NHSL1: variants seen among roughly 807,000 people sequenced by gnomAD.
The protein encoded by NHSL1 is NHS-like protein 1.
A neutral mutation model predicts 95.0 loss-of-function variants in NHSL1; 48 were observed. The ratio of observed to expected loss-of-function variants is 0.51; its 90% CI spans 0.40 to 0.64. NHSL1 has a LOEUF of 0.64. NHSL1 is among the 30% of genes least tolerant of loss of function. The pLI is 0.00. For missense variants in NHSL1, 1,971 were observed against 2,077.7 expected (o/e 0.95, Z 1.00); for synonymous variants, 783 against 833.9 (o/e 0.94, Z 1.05).
intron 1 of NHSL1, among the ~76,000 whole-genome samples, chr6:138,615,048 C>T (rs1784560952): frequency 6.8e-6 from 1 of 147,250 alleles, no homozygotes; most frequent in Non-Finnish European, 1.5e-5. Flanking sequence ...AATTTGAGTT[C>T]AGACAAACAC....
chr6:138,499,548 G>A (rs548329090), upstream of NHSL1: 4 of 607,778 alleles, frequency 6.6e-6, no homozygotes, highest in Non-Finnish European at 7.0e-6. Flanking sequence ...CAGTGACATC[G>A]TGCGCTGAAA....
At chr6:138,462,723 T>C (rs942704032) in intron 3 of NHSL1, among the ~76,000 whole-genome samples, 2 of 152,228 alleles carry the variant, frequency 1.3e-5, no homozygotes, top group African/African-American at 4.8e-5. Flanking sequence ...CTTGAGGTCA[T>C]ACATTTACAG....
intron 3 of NHSL1, among the ~76,000 whole-genome samples, chr6:138,447,603 T>C (rs1420636252): frequency 6.6e-6 from 1 of 152,076 alleles, no homozygotes; most frequent in Non-Finnish European, 1.5e-5. Context: ...TGAAACCCCA[T>C]CTCTACTAAA....
intron 1 of NHSL1, among the ~76,000 whole-genome samples, chr6:138,657,081 C>T (rs1300745802): frequency 6.6e-6 from 1 of 152,050 alleles, no homozygotes; most frequent in Admixed American, 6.6e-5. Flanking sequence ...CCATAGATAA[C>T]GTATCATTAG....
intron 1 of NHSL1, among the ~76,000 whole-genome samples, chr6:138,562,180 A>G (rs753867717): frequency 3.9e-5 from 6 of 152,234 alleles, no homozygotes; most frequent in Non-Finnish European, 8.8e-5. Context: ...ACATTTATTA[A>G]AACAGTGATT....
chr6:138,621,741 C>T (rs763341253), intron 1 of NHSL1, among the ~76,000 whole-genome samples: 14 of 151,596 alleles, frequency 9.2e-5, no homozygotes, highest in Non-Finnish European at 2.1e-4. Context: ...ATTAGCTATC[C>T]AAAAAAAATA....
chr6:138,639,709 A>C (rs1258719018), intron 1 of NHSL1, among the ~76,000 whole-genome samples: 4 of 146,730 alleles, frequency 2.7e-5, no homozygotes, highest in Non-Finnish European at 5.9e-5. Context: ...GAGAGGCTGA[A>C]GCTGAAGAAT....
At chr6:138,591,731 T>G (rs948711977) in intron 1 of NHSL1, among the ~76,000 whole-genome samples, 1 of 152,174 alleles carries the variant, frequency 6.6e-6, no homozygotes, top group Non-Finnish European at 1.5e-5. Context: ...CCTGCCCAGC[T>G]AATTCATAAG....
At chr6:138,612,978 T>C (rs1031389427) in intron 1 of NHSL1, among the ~76,000 whole-genome samples, 3 of 152,188 alleles carry the variant, frequency 2.0e-5, no homozygotes, top group African/African-American at 7.2e-5. Context: ...CCATCGTTTA[T>C]TGAATTTGCA....
chr6:138,512,502 T>G, intron 1 of NHSL1: 1 of 182,276 alleles, frequency 5.5e-6, no homozygotes, highest in South Asian at 9.5e-5. Flanking sequence ...TTCTGAACTT[T>G]CTAGCTTTAC....
intron 1 of NHSL1, among the ~76,000 whole-genome samples, chr6:138,604,473 G>A (rs1354894292): frequency 6.6e-6 from 1 of 152,178 alleles, no homozygotes; most frequent in Non-Finnish European, 1.5e-5. Context: ...AAGAAGCAAG[G>A]AGGGAAGGCT....
At chr6:138,557,133 A>G (rs1783223209) in intron 1 of NHSL1, among the ~76,000 whole-genome samples, 1 of 152,256 alleles carries the variant, frequency 6.6e-6, no homozygotes, top group South Asian at 2.1e-4. Context: ...GGCCAAATAC[A>G]GTCACCGGTC....
At chr6:138,476,521 G>A (rs1430268075) in intron 2 of NHSL1, among the ~76,000 whole-genome samples, 2 of 152,168 alleles carry the variant, frequency 1.3e-5, no homozygotes, top group South Asian at 2.1e-4. Flanking sequence ...GAAGGAGGGT[G>A]AGGGTTAAAA....
chr6:138,504,591 G>A (rs1350335459), intron 1 of NHSL1, among the ~76,000 whole-genome samples: 1 of 152,190 alleles, frequency 6.6e-6, no homozygotes, highest in Non-Finnish European at 1.5e-5. Flanking sequence ...AAGGTGGTGG[G>A]GAAGATGGAG....
At chr6:138,637,640 C>T (rs1471946530) in intron 1 of NHSL1, among the ~76,000 whole-genome samples, 1 of 152,182 alleles carries the variant, frequency 6.6e-6, no homozygotes, top group Non-Finnish European at 1.5e-5. Flanking sequence ...CTCAACATCA[C>T]TGATCATCAG....
chr6:138,466,017 C>T (rs544216835), intron 3 of NHSL1, among the ~76,000 whole-genome samples: 67 of 146,754 alleles, frequency 4.6e-4, no homozygotes, highest in African/African-American at 1.6e-3. Flanking sequence ...TGCCACTGCG[C>T]CTGGCCCCAC....
chr6:138,553,069 G>GA lies in NHSL1; in HGVS notation c.202+18640dup, dbSNP rs942866833. Among the ~76,000 whole-genome samples the GA allele has an allele frequency of 1.4e-3, 202 of 147,770 alleles. 1 individual carries two copies. Among genetic ancestry groups the GA allele is most frequent in the African/African-American group, 4.3e-3 (172 of 40,362 alleles). On this transcript the variant is annotated intron_variant, in intron 1 of 6. Transcript: ENST00000427025. Reference sequence around the variant, plus strand: ...ATTGCACCATCCTTTCCCTCCAGAGGAAAAAAAAAATCACGTTTCTACTTA... The same window carrying GA: ...ATTGCACCATCCTTTCCCTCCAGAGGAAAAAAAAAAATCACGTTTCTACTTA...
upstream of NHSL1, chr6:138,545,746 G>C (rs574377878): frequency 8.1e-7 from 1 of 1,231,464 alleles, no homozygotes; most frequent in Non-Finnish European, 1.0e-6. Context: ...GCCAGAGAGC[G>C]GGGCGGCCAG....
chr6:138,682,226 A>AGGGT, intron 1 of NHSL1, among the ~76,000 whole-genome samples: 1 of 152,218 alleles, frequency 6.6e-6, no homozygotes, highest in East Asian at 1.9e-4. Flanking sequence ...TGTCTTATGA[A>AGGGT]ACCAATCAAA....
Sources: allele counts gnomAD v4.1 joint callset (sites outside exome capture counted in the v4.1 genomes callset), GRCh38; gene constraint gnomAD v4.1.1; transcripts MANE v1.5; gene names NCBI Gene and HGNC (gene_info 2026-07-23, HGNC 2026-07-21).